The following FARP1 variants were observed in gnomAD, a reference collection of about 807,000 sequenced individuals.
The protein encoded by FARP1 is FERM, ARH/RhoGEF and pleckstrin domain protein 1, also known as FERM, ARHGEF and pleckstrin domain-containing protein 1.
A neutral mutation model predicts 128.8 loss-of-function variants in FARP1; 52 were observed. That is an observed-to-expected ratio of 0.40 (90% CI 0.32 to 0.51). The LOEUF is 0.51. Ranked by LOEUF, FARP1 falls within the 20% of genes least tolerant of loss-of-function variation. FARP1 has a pLI of 0.45. For missense variants in FARP1, 1,333 were observed against 1,367.9 expected, an observed-to-expected ratio of 0.97 and a Z score of 0.40; for synonymous variants, 580 against 551.8, an observed-to-expected ratio of 1.05 and a Z score of -0.72.
intron 2 of FARP1, among the ~76,000 whole-genome samples, chr13:98,309,057 T>C: frequency 6.6e-6 from 1 of 151,880 alleles, no homozygotes; most frequent in East Asian, 1.9e-4. Context: ...ATGATCTTGT[T>C]GGCAATTTTG....
chr13:98,354,834 A>G (rs1888576246), intron 3 of FARP1, among the ~76,000 whole-genome samples: 1 of 152,242 alleles, frequency 6.6e-6, no homozygotes, highest in African/African-American at 2.4e-5. Context: ...ACAAAATTAT[A>G]TTTTCATTTA....
At chr13:98,383,429 C>A (rs1368607300) in intron 6 of FARP1, among the ~76,000 whole-genome samples, 1 of 152,210 alleles carries the variant, frequency 6.6e-6, no homozygotes, top group Non-Finnish European at 1.5e-5. Context: ...GCACCGGCTG[C>A]TGCCAGGTGA....
chr13:98,240,195 A>G (rs1304568287), intron 2 of FARP1, among the ~76,000 whole-genome samples: 5 of 152,204 alleles, frequency 3.3e-5, no homozygotes, highest in Admixed American at 3.3e-4. Flanking sequence ...TATTAGCACA[A>G]CCGATTCAGG....
chr13:98,356,105 A>C (rs530313171), intron 3 of FARP1, among the ~76,000 whole-genome samples: 68 of 152,314 alleles, frequency 4.5e-4, no homozygotes, highest in Admixed American at 1.3e-3. Flanking sequence ...AATATATTTC[A>C]ATGAGGTTAC....
chr13:98,333,593 T>G (rs773485905), intron 2 of FARP1: 8 of 152,326 alleles, frequency 5.3e-5, no homozygotes, highest in Non-Finnish European at 1.0e-4. Flanking sequence ...CCCATTCTCT[T>G]CACAGCCTGG....
At chr13:98,348,649 A>C (rs1248181751) in intron 3 of FARP1, among the ~76,000 whole-genome samples, 1 of 152,276 alleles carries the variant, frequency 6.6e-6, no homozygotes, top group East Asian at 1.9e-4. Context: ...ATGTGAAATG[A>C]ATGGATGTGG....
chr13:98,275,214 C>A (rs17565003), intron 2 of FARP1, among the ~76,000 whole-genome samples: 1 of 151,810 alleles, frequency 6.6e-6, no homozygotes, highest in Non-Finnish European at 1.5e-5. Flanking sequence ...ATCGTAAACA[C>A]GAACAGATGA....
At chr13:98,323,645 G>A (rs1276751241) in intron 2 of FARP1, among the ~76,000 whole-genome samples, 1 of 151,986 alleles carries the variant, frequency 6.6e-6, no homozygotes, top group Non-Finnish European at 1.5e-5. Context: ...CACCTTTTAA[G>A]GTTTCTCTAA....
intron 2 of FARP1, among the ~76,000 whole-genome samples, chr13:98,323,281 C>G (rs1887083265): frequency 2.6e-5 from 4 of 151,834 alleles, no homozygotes. Context: ...GCCACAGTTT[C>G]ATTAATATAT....
intron 4 of FARP1, among the ~76,000 whole-genome samples, chr13:98,366,403 T>C (rs972011187): frequency 1.3e-5 from 2 of 152,210 alleles, no homozygotes; most frequent in Non-Finnish European, 2.9e-5. Flanking sequence ...ATTTGCTGGG[T>C]GTCCTGAGCA....
At chr13:98,316,956 A>C (rs1405297041) in intron 2 of FARP1, among the ~76,000 whole-genome samples, 9 of 152,332 alleles carry the variant, frequency 5.9e-5, no homozygotes. Flanking sequence ...TTTAGGAAGG[A>C]ACACCTGTGA....
chr13:98,248,706 T>A (rs1456564294), intron 2 of FARP1, among the ~76,000 whole-genome samples: 2 of 151,940 alleles, frequency 1.3e-5, no homozygotes, highest in African/African-American at 2.4e-5. Flanking sequence ...ATGTGCACAT[T>A]CTCAGCTGAA....
intron 19 of FARP1, 125 bp from the exon 20 acceptor site, chr13:98,438,679 G>T: frequency 1.4e-6 from 1 of 718,830 alleles, no homozygotes; most frequent in Non-Finnish European, 2.4e-6. Context: ...GTCCGTTCTT[G>T]GGGTCTGCAC....
At chr13:98,366,299 C>T (rs1051658561) in intron 4 of FARP1, among the ~76,000 whole-genome samples, 2 of 152,110 alleles carry the variant, frequency 1.3e-5, no homozygotes, top group East Asian at 1.9e-4. Context: ...CTGTGTGGCC[C>T]GTGTGCAATT....
intron 2 of FARP1, among the ~76,000 whole-genome samples, chr13:98,213,981 C>T (rs1880901696): frequency 6.6e-6 from 1 of 152,172 alleles, no homozygotes; most frequent in African/African-American, 2.4e-5. Context: ...CCTTCCGAGC[C>T]TGCCATATGG....
chr13:98,419,962 C>T (rs915602108), intron 16 of FARP1, among the ~76,000 whole-genome samples: 1 of 152,108 alleles, frequency 6.6e-6, no homozygotes, highest in Non-Finnish European at 1.5e-5. Context: ...GTGTGCCAGT[C>T]ACTGCCCTCT....
rs180956103 is a variant in FARP1, at chr13:98,197,388, C to A, written c.-23-15832C>A. 2.0e-3 allele frequency among the ~76,000 whole-genome samples: 308 copies of A among 151,998 alleles called. 1 individual carries two copies. Among genetic ancestry groups the A allele is most frequent in the African/African-American group, 6.9e-3 (288 of 41,518 alleles). The stretch of plus-strand genomic sequence containing the variant: ...GGCTGAGGCAGGAGAATTGCTTGAA[C>A]CTGGGAGGCGGAGGTTGCAGTGAGC... On this transcript the variant is annotated intron_variant, in intron 1 of 26. Transcript: ENST00000319562.
At chr13:98,358,884 G>C (rs1184775376) in intron 3 of FARP1, among the ~76,000 whole-genome samples, 2 of 152,132 alleles carry the variant, frequency 1.3e-5, no homozygotes, top group African/African-American at 2.4e-5. Flanking sequence ...TGATTCGCCT[G>C]CCTCAGCCTC....
At chr13:98,261,445 C>T (rs1171068830) in intron 2 of FARP1, among the ~76,000 whole-genome samples, 1 of 152,174 alleles carries the variant, frequency 6.6e-6, no homozygotes, top group Non-Finnish European at 1.5e-5. Flanking sequence ...TACTCCCCTC[C>T]TCCCTTCGTT....
Sources: allele counts gnomAD v4.1 joint callset (sites outside exome capture counted in the v4.1 genomes callset), GRCh38; gene constraint gnomAD v4.1.1; transcripts MANE v1.5; gene names NCBI Gene and HGNC (gene_info 2026-07-23, HGNC 2026-07-21).